PHLDB2: variants seen among roughly 807,000 people sequenced by gnomAD.
The protein encoded by PHLDB2 is pleckstrin homology-like domain family B member 2.
In PHLDB2, 71 loss-of-function variants were observed where a neutral mutation model predicts 123.6. The ratio of observed to expected loss-of-function variants is 0.57; its 90% confidence interval spans 0.47 to 0.70. The LOEUF is 0.70. Ranked by LOEUF, PHLDB2 falls within the 30% of genes least tolerant of loss-of-function variation. The pLI is 0.00. For synonymous variants in PHLDB2, 547 were observed against 541.6 expected, an observed-to-expected ratio of 1.01 and a Z score of -0.14; for missense variants, 1,446 against 1,519.5, an observed-to-expected ratio of 0.95 and a Z score of 0.80.
Position 111,884,422 on chromosome 3 carries a change from A to G in PHLDB2, c.345A>G (p.Thr115=). ...CTCCAACTCCTTTACTCAACACTACATCCTCCCTCAGTGGATATCCACTTG... is the reference window on the plus strand; with the variant it reads ...CTCCAACTCCTTTACTCAACACTACGTCCTCCCTCAGTGGATATCCACTTG... ...MKPPTPLLNT[T]SSLSGYPLGR... is the part of the protein sequence containing the mutation. Residue 115 remains threonine (T), a synonymous_variant, in exon 2 of 18, where the codon ACA becomes ACG. Coordinates refer to ENST00000431670, the MANE Select transcript of PHLDB2 (RefSeq NM_001134438.2). 6.2e-7 allele frequency: 1 copy of G among 1,614,052 alleles called. No homozygotes were observed. Among genetic ancestry groups the G allele is most frequent in the Admixed American group, 1.7e-5 (1 of 60,018 alleles).
At chr3:111,962,625 T>C (rs2071473491) in intron 13 of PHLDB2, among the ~76,000 whole-genome samples, 1 of 152,196 alleles carries the variant, frequency 6.6e-6, no homozygotes, top group African/African-American at 2.4e-5. Context: ...TCACTTACAC[T>C]GCTTTTGATT....
At chr3:111,754,705 G>C (rs2059852161) in intron 1 of PHLDB2, among the ~76,000 whole-genome samples, 1 of 147,724 alleles carries the variant, frequency 6.8e-6, no homozygotes, top group South Asian at 2.2e-4. Context: ...GGAGTGGTGA[G>C]AGAGGGCATC....
At chr3:111,913,967 C>A (rs1378979694) in intron 3 of PHLDB2, 5 of 436,738 alleles carry the variant, frequency 1.1e-5, no homozygotes, top group Non-Finnish European at 2.0e-5. Context: ...AGGTTGTACA[C>A]CTGAGTGATA....
At chr3:111,752,190 C>G (rs181364651) in intron 1 of PHLDB2, among the ~76,000 whole-genome samples, 1 of 150,438 alleles carries the variant, frequency 6.6e-6, no homozygotes, top group Non-Finnish European at 1.5e-5. Context: ...TGCTTCTCTC[C>G]GCATTTCTCT....
intron 5 of PHLDB2, among the ~76,000 whole-genome samples, chr3:111,922,968 C>T (rs750654942): frequency 6.6e-6 from 1 of 152,090 alleles, no homozygotes; most frequent in Admixed American, 6.5e-5. Context: ...GCACCCTCAC[C>T]CCCTGGGGTC....
chr3:111,946,510 G>GTACTATA (rs1232904671), intron 9 of PHLDB2, among the ~76,000 whole-genome samples: 1 of 152,194 alleles, frequency 6.6e-6, no homozygotes, highest in Admixed American at 6.5e-5. Context: ...GTGACTATAT[G>GTACTATA]TGTACCTCAG....
chr3:111,802,780 C>G (rs957179036), intron 1 of PHLDB2, among the ~76,000 whole-genome samples: 1 of 152,122 alleles, frequency 6.6e-6, no homozygotes. Flanking sequence ...TCCATTTTTT[C>G]ACTTCTAGTT....
At chr3:111,796,110 C>G (rs59799255) in intron 1 of PHLDB2, among the ~76,000 whole-genome samples, 13,542 of 152,062 alleles carry the variant, frequency 0.089, 1,272 homozygotes, top group African/African-American at 0.24. Flanking sequence ...TGTCAGCCAG[C>G]CTGGTCTCGA....
intron 1 of PHLDB2, among the ~76,000 whole-genome samples, chr3:111,860,898 C>T (rs1467619652): frequency 6.6e-6 from 1 of 152,142 alleles, no homozygotes; most frequent in African/African-American, 2.4e-5. Context: ...ATTTGTCAGC[C>T]ACATTTCCCT....
In PHLDB2 at chr3:111,885,202, A is replaced by T; in HGVS notation, c.1125A>T (p.Arg375Ser). Residue 375 changes from arginine to serine, a missense_variant, in exon 2 of 18, where the codon AGA becomes AGT. Transcript: ENST00000431670. ...CACTTCTTGCTGGAGAGTCAGACAG[A>T]GTTTTTGCGACCAGGAGGAACTTCT... ...SHSLLAGESD[R>S]VFATRRNFSC... 6.2e-7 allele frequency: 1 copy of T among 1,614,070 alleles called. No homozygotes were observed. The highest frequency in any genetic ancestry group is 8.5e-7 in the Non-Finnish European group (1 of 1,180,020).
intron 1 of PHLDB2, among the ~76,000 whole-genome samples, chr3:111,764,545 G>T (rs2060046445): frequency 6.6e-6 from 1 of 151,966 alleles, no homozygotes; most frequent in South Asian, 2.1e-4. Flanking sequence ...ATGTTGATGT[G>T]GTGAGGTTTT....
intron 1 of PHLDB2, among the ~76,000 whole-genome samples, chr3:111,755,570 C>T (rs1465392820): frequency 6.8e-6 from 1 of 147,960 alleles, no homozygotes; most frequent in African/African-American, 2.6e-5. Flanking sequence ...TGCTAGTGGT[C>T]TATCAATTTT....
intron 1 of PHLDB2, among the ~76,000 whole-genome samples, chr3:111,792,078 T>C (rs2060950631): frequency 6.6e-6 from 1 of 152,232 alleles, no homozygotes; most frequent in Admixed American, 6.5e-5. Context: ...ACATACAATG[T>C]TTGTCTATAT....
At chr3:111,948,835 C>T (rs2070502063) in intron 9 of PHLDB2, 97 bp from the exon 10 acceptor site, 5 of 1,147,320 alleles carry the variant, frequency 4.4e-6, no homozygotes, top group Admixed American at 1.9e-5. Context: ...CTGGCTGTGC[C>T]GCTCTAAGCT....
intron 1 of PHLDB2, among the ~76,000 whole-genome samples, chr3:111,830,715 A>G (rs1302758676): frequency 7.2e-6 from 1 of 139,102 alleles, no homozygotes; most frequent in Non-Finnish European, 1.5e-5. Context: ...AGGCTGAGGC[A>G]GGAGAATGGC....
chr3:111,945,344 A>G lies in PHLDB2; in HGVS notation c.2474A>G (p.Asn825Ser), dbSNP rs35506232. 2.8e-3 allele frequency: 4,546 copies of G among 1,601,222 alleles called. 121 individuals are homozygous for G. In the African/African-American group the frequency reaches 0.055, roughly 19 times the overall value. The change falls in exon 9 of 18, where the codon AAT becomes AGT. Residue 825 changes from asparagine to serine, a missense_variant. Asn to Ser is a conservative substitution (Grantham distance 46). Transcript: ENST00000431670. The part of the protein sequence containing the change: ...SGGKGFPVNP[N>S]TLKEGYISVN... ...GGGAAAGGGTTTCCCGTTAACCCCAATACTTTAAAAGAGGTAAGCTATGAT... is the reference window on the plus strand; with the variant it reads ...GGGAAAGGGTTTCCCGTTAACCCCAGTACTTTAAAAGAGGTAAGCTATGAT...
chr3:111,774,923 G>C (rs967137907), intron 1 of PHLDB2, among the ~76,000 whole-genome samples: 2 of 152,140 alleles, frequency 1.3e-5, no homozygotes, highest in Non-Finnish European at 2.9e-5. Flanking sequence ...CGATGGATTG[G>C]ATTCTGCCTG....
rs376340699 is a variant in PHLDB2, at chr3:111,913,531, T to C, written c.1548T>C (p.Asp516=). Residue 516 remains aspartate, a synonymous_variant, in exon 3 of 18, where the codon GAT becomes GAC. Coordinates refer to ENST00000431670, the MANE Select transcript of PHLDB2 (RefSeq NM_001134438.2). ...YRCHRKDSLP[D]ADLASCGSLS... Reference sequence around the variant, plus strand: ...GCCACCGGAAAGACTCCCTCCCTGATGCAGACTTGGCAAGCTGTGGGAGTC... The same window carrying C: ...GCCACCGGAAAGACTCCCTCCCTGACGCAGACTTGGCAAGCTGTGGGAGTC... 1.2e-6 allele frequency: 2 copies of C among 1,614,026 alleles called. No homozygotes were observed. Among genetic ancestry groups the C allele is most frequent in the African/African-American group, 2.7e-5 (2 of 74,926 alleles).
chr3:111,970,337 C>G (rs758216970), intron 16 of PHLDB2, among the ~76,000 whole-genome samples: 2 of 151,816 alleles, frequency 1.3e-5, no homozygotes, highest in African/African-American at 2.4e-5. Flanking sequence ...AGGGTGGGAT[C>G]AGAAAAAATA....
Sources: gnomAD v4.1 joint callset for allele counts (sites outside exome capture counted in the v4.1 genomes callset) on GRCh38, gnomAD v4.1.1 for gene constraint, MANE v1.5 for transcripts, NCBI Gene and HGNC (gene_info 2026-07-23, HGNC 2026-07-21) for gene names.